The following IGF2BP2 variants were observed in gnomAD, a reference collection of about 807,000 sequenced individuals.
IGF2BP2 encodes the protein insulin-like growth factor 2 mRNA-binding protein 2.
In IGF2BP2, 17 loss-of-function variants were observed where a neutral mutation model predicts 75.8. That is an observed-to-expected ratio of 0.22 (90% CI 0.15 to 0.34). The LOEUF is 0.34. Ranked by LOEUF, IGF2BP2 falls within the 10% of genes least tolerant of loss-of-function variation. The probability of loss-of-function intolerance (pLI) is 1.00; values close to 1 mark genes in which losing one functional copy is unlikely to be tolerated. For synonymous variants in IGF2BP2, 288 were observed against 295.6 expected (o/e 0.97, Z 0.26); for missense variants, 516 against 772.4 (o/e 0.67, Z 3.93).
intron 10 of IGF2BP2, among the ~76,000 whole-genome samples, chr3:185,663,079 A>G (rs981330963): frequency 6.6e-6 from 1 of 152,172 alleles, no homozygotes; most frequent in Non-Finnish European, 1.5e-5. Flanking sequence ...TAACTTGGCA[A>G]TGACTCAAAT....
At chr3:185,709,722 T>C (rs549706880) in intron 2 of IGF2BP2, among the ~76,000 whole-genome samples, 1 of 151,752 alleles carries the variant, frequency 6.6e-6, no homozygotes, top group African/African-American at 2.4e-5. Flanking sequence ...CAGGAGAGGG[T>C]TGGCCAAATC....
rs555472968 is a variant in IGF2BP2 at position 185,712,822 on chromosome 3, T to C, written c.240-14475A>G. ...ATAAGTTAGGTGACAAACTCCACTG[T>C]ATTTTATAATTGGATGGCTTACAAA... On this transcript the variant is annotated intron_variant, in intron 2 of 15. Coordinates refer to ENST00000382199, the MANE Select transcript of IGF2BP2 (RefSeq NM_006548.6). Among the ~76,000 whole-genome samples, 19 of 151,726 alleles carry C rather than the reference T, an allele frequency of 1.3e-4. No individual in the cohort carries two copies. The East Asian group carries it at 3.7e-3, about 29-fold the overall frequency.
At chr3:185,684,737 A>G (rs1482130954) in intron 7 of IGF2BP2, among the ~76,000 whole-genome samples, 1 of 152,000 alleles carries the variant, frequency 6.6e-6, no homozygotes, top group Non-Finnish European at 1.5e-5. Flanking sequence ...GCTGCACTTA[A>G]TTACTTATTG....
intron 2 of IGF2BP2, among the ~76,000 whole-genome samples, chr3:185,798,487 A>G (rs1737739915): frequency 6.6e-6 from 1 of 152,200 alleles, no homozygotes; most frequent in Admixed American, 6.5e-5. Flanking sequence ...CTTACACAAC[A>G]TTCATGCCAA....
chr3:185,753,079 T>A, intron 2 of IGF2BP2, among the ~76,000 whole-genome samples: 1 of 152,120 alleles, frequency 6.6e-6, no homozygotes, highest in East Asian at 1.9e-4. Context: ...AGACCTTGTG[T>A]GAGATCAAGT....
chr3:185,790,166 C>T (rs1218768640), intron 2 of IGF2BP2, among the ~76,000 whole-genome samples: 1 of 152,194 alleles, frequency 6.6e-6, no homozygotes, highest in Non-Finnish European at 1.5e-5. Context: ...CTTCCTCCAC[C>T]TCTAGTTTTC....
rs189317488 is a variant in IGF2BP2 at position 185,815,013 on chromosome 3, T to C, written c.239+8140A>G. Among the ~76,000 whole-genome samples, 39 of 152,154 alleles carry C rather than the reference T, an allele frequency of 2.6e-4. 1 individual carries two copies. Among genetic ancestry groups the C allele is most frequent in the African/African-American group, 8.2e-4 (34 of 41,544 alleles). The stretch of plus-strand genomic sequence containing the variant: ...AATCTTTGTGCAACATTCTGTATCC[T>C]AAACAAAAAAACCTCAAGTTTTTTT... On this transcript the variant is annotated intron_variant, in intron 2 of 15. Coordinates refer to ENST00000382199, the MANE Select transcript of IGF2BP2 (RefSeq NM_006548.6).
At chr3:185,770,415 T>C (rs1733723767) in intron 2 of IGF2BP2, among the ~76,000 whole-genome samples, 1 of 152,138 alleles carries the variant, frequency 6.6e-6, no homozygotes, top group Admixed American at 6.5e-5. Context: ...GAAAGAGTAG[T>C]GGGTTATATT....
chr3:185,657,132 G>C (rs1341336575), intron 12 of IGF2BP2, among the ~76,000 whole-genome samples, 154 bp downstream of exon 12: 2 of 152,170 alleles, frequency 1.3e-5, no homozygotes, highest in African/African-American at 4.8e-5. Flanking sequence ...GGAAAGATGA[G>C]AGCGGACGGG....
chr3:185,684,778 G>C (rs1311974353), intron 7 of IGF2BP2, among the ~76,000 whole-genome samples: 1 of 151,816 alleles, frequency 6.6e-6, no homozygotes, highest in Admixed American at 6.6e-5. Flanking sequence ...TTTAATGAGT[G>C]TCTCTCCCAC....
intron 2 of IGF2BP2, among the ~76,000 whole-genome samples, chr3:185,810,547 G>T (rs532003368): frequency 1.3e-5 from 2 of 152,272 alleles, no homozygotes; most frequent in African/African-American, 4.8e-5. Context: ...GCCAAGGCAG[G>T]CAGATCACCT....
chr3:185,686,073 T>C (rs1036575388), intron 7 of IGF2BP2, among the ~76,000 whole-genome samples: 1 of 152,230 alleles, frequency 6.6e-6, no homozygotes, highest in Non-Finnish European at 1.5e-5. Context: ...TGTGGAATCC[T>C]ATAATTACTT....
intron 2 of IGF2BP2, among the ~76,000 whole-genome samples, chr3:185,753,216 C>T (rs1413851237): frequency 6.6e-6 from 1 of 152,186 alleles, no homozygotes; most frequent in African/African-American, 2.4e-5. Context: ...GTGGCCTCCA[C>T]TGCTTTCTCT....
chr3:185,732,887 G>C (rs919764923), intron 2 of IGF2BP2, among the ~76,000 whole-genome samples: 1 of 152,140 alleles, frequency 6.6e-6, no homozygotes, highest in Non-Finnish European at 1.5e-5. Context: ...TATACGTTTT[G>C]AAAAATGTTC....
rs767594217 is a variant in IGF2BP2, at chr3:185,675,737, G to A, written c.935+54C>T. ...AGTAGATGAATGAACTAGACGTATC[G>A]AAATGCTCAGGTGTTCCATTATTGG... On this transcript the variant is annotated intron_variant, in intron 8 of 15. Transcript: ENST00000382199. The A allele has an allele frequency of 2.8e-5, 44 of 1,590,664 alleles. No individual in the cohort carries two copies. The Admixed American group carries it at 3.0e-4, about 11-fold the overall frequency.
intron 7 of IGF2BP2, among the ~76,000 whole-genome samples, chr3:185,681,860 C>T (rs1720439565): frequency 6.6e-6 from 1 of 152,122 alleles, no homozygotes. Context: ...ACTGGACACA[C>T]ACATAGAAGA....
chr3:185,774,594 C>CAA (rs10688098), intron 2 of IGF2BP2, among the ~76,000 whole-genome samples: 40,167 of 128,614 alleles, frequency 0.31, 6,136 homozygotes, highest in African/African-American at 0.41. Flanking sequence ...GACTCTGTCT[C>CAA]AAAAAAAAAA....
At position 185,816,224 on chromosome 3, in the gene IGF2BP2, G is replaced by C. The variant is rs114377663; in HGVS notation, c.239+6929C>G. On this transcript the variant is annotated intron_variant, in intron 2 of 15. Transcript: ENST00000382199. The stretch of plus-strand genomic sequence containing the variant: ...GTGTGGCTCAGATGTTGAAAGAAAT[G>C]TTTGTCTTGTTATGTCAGGAACACA... Among the ~76,000 whole-genome samples the C allele has an allele frequency of 5.9e-3, 901 of 152,228 alleles. 6 individuals are homozygous for C. The highest frequency in any genetic ancestry group is 9.6e-3 in the Non-Finnish European group (655 of 67,994).
chr3:185,726,287 A>G (rs1219432510), intron 2 of IGF2BP2, among the ~76,000 whole-genome samples: 1 of 152,202 alleles, frequency 6.6e-6, no homozygotes, highest in Non-Finnish European at 1.5e-5. Context: ...CGGTCAGAGG[A>G]GGGCCTCTCC....
Sources: gnomAD v4.1 joint callset for allele counts (sites outside exome capture counted in the v4.1 genomes callset) on GRCh38, gnomAD v4.1.1 for gene constraint, MANE v1.5 for transcripts, NCBI Gene and HGNC (gene_info 2026-07-23, HGNC 2026-07-21) for gene names.